CERS4: variants seen among roughly 807,000 people sequenced by gnomAD.
CERS4 encodes the protein LAG1 homolog, ceramide synthase 4.
In CERS4, 65 loss-of-function variants were observed where a neutral mutation model predicts 51.8. That is an observed-to-expected ratio of 1.26 (90% confidence interval 1.03 to 1.54). CERS4 has a LOEUF of 1.54. Among genes scored for constraint, CERS4 ranks in the 40% most tolerant of loss-of-function variants. The pLI is 0.00. For missense variants in CERS4, 563 were observed against 500.4 expected (o/e 1.13, Z -1.19); for synonymous variants, 228 against 208.4 (o/e 1.09, Z -0.81).
chr19:8,237,002 CAAAAAAAAA>C (rs781273995), intron 2 of CERS4, among the ~76,000 whole-genome samples: 6 of 44,966 alleles, frequency 1.3e-4, no homozygotes, highest in African/African-American at 3.8e-4. Flanking sequence ...GACTCTGTCT[CAAAAAAAAA>C]AAAAAAAAAA....
At chr19:8,235,539 G>A (rs552264504) in intron 2 of CERS4, among the ~76,000 whole-genome samples, 20 of 150,972 alleles carry the variant, frequency 1.3e-4, no homozygotes, top group African/African-American at 4.4e-4. Flanking sequence ...TCAGGAGTTC[G>A]AGACCAGCCT....
At chr19:8,253,845 C>G (rs148872537) in intron 3 of CERS4, among the ~76,000 whole-genome samples, 71 of 152,110 alleles carry the variant, frequency 4.7e-4, no homozygotes, top group African/African-American at 1.7e-3. Flanking sequence ...CCACCTCAGC[C>G]CCAAAGTTCT....
chr19:8,255,573 T>A, intron 4 of CERS4, 34 bp from the exon 5 acceptor site: 1 of 1,575,668 alleles, frequency 6.3e-7, no homozygotes, highest in South Asian at 1.1e-5. Context: ...CCACAGGGCC[T>A]CTGTGACCCT....
intron 2 of CERS4, among the ~76,000 whole-genome samples, chr19:8,228,267 G>A (rs980172285): frequency 1.3e-5 from 2 of 152,290 alleles, no homozygotes; most frequent in African/African-American, 2.4e-5. Context: ...GAATTCTGGA[G>A]CTGGATGGTG....
Position 8,256,423 on chromosome 19 carries a change from G to T in CERS4, c.519+137G>T, listed in dbSNP as rs1343250054. ...GTCCCACGCTCTTTGATTCCTCTGGGGAATAGAGAGGGGCCAGAAAACCAA... is the reference window on the plus strand; with the variant it reads ...GTCCCACGCTCTTTGATTCCTCTGGTGAATAGAGAGGGGCCAGAAAACCAA... On this transcript the variant is annotated intron_variant, in intron 7 of 11. Coordinates refer to ENST00000251363, the MANE Select transcript of CERS4 (RefSeq NM_024552.3). The T allele has an allele frequency of 8.6e-6, 9 of 1,045,290 alleles. No homozygotes were observed. The East Asian group carries it at 2.4e-4, about 28-fold the overall frequency. The allele number at this position is 1,045,290 out of a possible 1,614,324, so 64.8% of individuals were successfully genotyped here. A position where few individuals can be genotyped will look rare whatever the true frequency, so the allele number is the denominator to read the frequency against.
chr19:8,215,566 G>A (rs1206250875), intron 2 of CERS4, among the ~76,000 whole-genome samples: 1 of 151,764 alleles, frequency 6.6e-6, no homozygotes, highest in Admixed American at 6.6e-5. Context: ...CCAGGCAAAA[G>A]AGAGAGAACT....
intron 2 of CERS4, among the ~76,000 whole-genome samples, chr19:8,216,449 T>A (rs1056330615): frequency 6.6e-6 from 1 of 151,278 alleles, no homozygotes; most frequent in African/African-American, 2.4e-5. Context: ...GCCTTATTTT[T>A]CTCTCCACCT....
intron 2 of CERS4, among the ~76,000 whole-genome samples, chr19:8,220,211 C>T (rs1967473261): frequency 6.6e-6 from 1 of 151,900 alleles, no homozygotes; most frequent in Admixed American, 6.6e-5. Context: ...ATACTCATCC[C>T]AATCTGCCAC....
At chr19:8,238,077 G>A (rs1451589404) in intron 2 of CERS4, among the ~76,000 whole-genome samples, 3 of 151,936 alleles carry the variant, frequency 2.0e-5, no homozygotes, top group Admixed American at 1.3e-4. Context: ...CACCTCTGGG[G>A]CTGGGGACTG....
At position 8,254,594 on chromosome 19, in the gene CERS4, C is replaced by G. The variant is rs150398356; in HGVS notation, c.269C>G (p.Thr90Arg). Reference protein sequence around the residue: ...PNATLEKHFLTEGHRPKEPQL... With the variant: ...PNATLEKHFLREGHRPKEPQL... ...GCCACGCTGGAGAAACACTTCCTCA[C>G]GGAAGGGCACAGGCCCAAGGAGGTG... The change falls in exon 4 of 12, where the codon ACG becomes AGG. Residue 90 changes from threonine (T) to arginine (R), a missense_variant. Thr to Arg is a moderately conservative substitution (Grantham distance 71). Coordinates refer to ENST00000251363, the MANE Select transcript of CERS4 (RefSeq NM_024552.3). 3 of 1,610,594 alleles carry G rather than the reference C, an allele frequency of 1.9e-6. No homozygotes were observed. The African/African-American group carries it at 4.0e-5, about 22-fold the overall frequency.
chr19:8,228,688 T>A (rs896739364), intron 2 of CERS4, among the ~76,000 whole-genome samples: 9 of 146,020 alleles, frequency 6.2e-5, no homozygotes, highest in African/African-American at 2.0e-4. Context: ...AAAAAAAATT[T>A]TTTTTTTAAG....
intron 2 of CERS4, among the ~76,000 whole-genome samples, chr19:8,235,790 A>G (rs1968223989): frequency 6.6e-6 from 1 of 151,956 alleles, no homozygotes; most frequent in African/African-American, 2.4e-5. Context: ...GCTACTCAGG[A>G]GGCTGAGGTG....
intron 2 of CERS4, among the ~76,000 whole-genome samples, chr19:8,233,512 T>C (rs1057217327): frequency 6.6e-6 from 1 of 152,018 alleles, no homozygotes; most frequent in African/African-American, 2.4e-5. Flanking sequence ...ATCATTGTTA[T>C]CTATGAAAGA....
At chr19:8,214,994 AG>A (rs1967238741) in intron 2 of CERS4, among the ~76,000 whole-genome samples, 3 of 63,954 alleles carry the variant, frequency 4.7e-5, no homozygotes, top group Admixed American at 3.0e-4. Flanking sequence ...GAGGGGGAGG[AG>A]AGGGAGGAGG....
intron 2 of CERS4, among the ~76,000 whole-genome samples, chr19:8,219,744 G>A (rs531281933): frequency 1.1e-4 from 16 of 151,934 alleles, no homozygotes; most frequent in Non-Finnish European, 4.4e-5. Context: ...GCTTGAACCC[G>A]GGAGGTGGAG....
intron 2 of CERS4, among the ~76,000 whole-genome samples, chr19:8,214,942 G>GGGGAGGAGA (rs148479359): frequency 0.037 from 5,323 of 144,930 alleles, 214 homozygotes; most frequent in East Asian, 0.11. Context: ...GGAAGACGAG[G>GGGGAGGAGA]GGGAGGAGAG....
At position 8,257,084 on chromosome 19, in the gene CERS4, C is replaced by CTGA; in HGVS notation, c.741+7_741+8insTGA. On this transcript the variant is annotated splice_region_variant and intron_variant, in intron 9 of 11. Transcript: ENST00000251363. ...CTCTGACTACCTGCTGGAGGTGGGC[C>CTGA]CGACCCCTGCCTGACCCTTCCCAGC... The CTGA allele has an allele frequency of 2.5e-6, 4 of 1,587,530 alleles. No individual in the cohort carries two copies. Among genetic ancestry groups the CTGA allele is most frequent in the Non-Finnish European group, 3.4e-6 (4 of 1,164,978 alleles).
At position 8,239,875 on chromosome 19, in the gene CERS4, C is replaced by A. The variant is rs140953116; in HGVS notation, c.-1-11201C>A. 1.6e-4 allele frequency among the ~76,000 whole-genome samples: 24 copies of A among 152,250 alleles called. No homozygotes were observed. In the East Asian group the frequency reaches 4.6e-3, roughly 29 times the overall value. On this transcript the variant is annotated intron_variant, in intron 2 of 11. Coordinates refer to ENST00000251363, the MANE Select transcript of CERS4 (RefSeq NM_024552.3). ...TTATGTGGCATCTAATGTGTCCAGCCCTGTCTGAGGCTCTGAGGATACAGC... is the reference window on the plus strand; with the variant it reads ...TTATGTGGCATCTAATGTGTCCAGCACTGTCTGAGGCTCTGAGGATACAGC...
At chr19:8,245,126 A>AACAAAAAAAACAAAAACAAACAAAC (rs71175820) in intron 2 of CERS4, among the ~76,000 whole-genome samples, 1 of 148,130 alleles carries the variant, frequency 6.8e-6, no homozygotes, top group African/African-American at 2.5e-5. Flanking sequence ...AAAAAAAAAA[A>AACAAAAAAAACAAAAACAAACAAAC]AAAAAAAAAC....
Sources: gnomAD v4.1 joint callset for allele counts (sites outside exome capture counted in the v4.1 genomes callset) on GRCh38, gnomAD v4.1.1 for gene constraint, MANE v1.5 for transcripts, NCBI Gene and HGNC (gene_info 2026-07-23, HGNC 2026-07-21) for gene names.